Variants in SLC35D2 observed in about 807,000 individuals in gnomAD.
SLC35D2 encodes nucleotide sugar transporter SLC35D2.
A neutral mutation model predicts 41.8 loss-of-function variants in SLC35D2; 43 were observed. The ratio of observed to expected loss-of-function variants is 1.03; its 90% confidence interval spans 0.81 to 1.33. SLC35D2 has a LOEUF of 1.33. Among genes scored for constraint, SLC35D2 ranks in the 40% most tolerant of loss-of-function variants. SLC35D2 has a pLI of 0.00. For synonymous variants in SLC35D2, 150 were observed against 163.9 expected, an observed-to-expected ratio of 0.92 and a Z score of 0.65; for missense variants, 380 against 408.4, an observed-to-expected ratio of 0.93 and a Z score of 0.60.
intron 5 of SLC35D2, among the ~76,000 whole-genome samples, chr9:96,351,571 A>G (rs1829815574): frequency 6.6e-6 from 1 of 152,152 alleles, no homozygotes. Context: ...AAAATCAAGA[A>G]TCAACTTTTT....
At chr9:96,351,081 C>T (rs768447708) in intron 6 of SLC35D2, 22 bp downstream of exon 6, 1 of 1,571,390 alleles carries the variant, frequency 6.4e-7, no homozygotes, top group Non-Finnish European at 8.8e-7. Flanking sequence ...AGTTATTGAG[C>T]AGAAACAGTC....
At chr9:96,334,272 G>A (rs1248740394) in intron 9 of SLC35D2, among the ~76,000 whole-genome samples, 1 of 152,170 alleles carries the variant, frequency 6.6e-6, no homozygotes, top group East Asian at 1.9e-4. Context: ...GCTACCAGCA[G>A]AAGCAAATAC....
chr9:96,317,868 CA>C (rs34659411), downstream of SLC35D2, among the ~76,000 whole-genome samples: 8,977 of 99,390 alleles, frequency 0.09, 896 homozygotes, highest in African/African-American at 0.24. Context: ...ACCAAAAATA[CA>C]AAAAAAAAAA....
At chr9:96,372,232 A>G (rs935385599) in intron 1 of SLC35D2, among the ~76,000 whole-genome samples, 1 of 152,232 alleles carries the variant, frequency 6.6e-6, no homozygotes, top group Non-Finnish European at 1.5e-5. Context: ...GAAAATGAGA[A>G]AGATAAGTTA....
chr9:96,336,072 A>C (rs1464424908), intron 9 of SLC35D2, among the ~76,000 whole-genome samples: 2 of 151,896 alleles, frequency 1.3e-5, no homozygotes, highest in South Asian at 4.1e-4. Flanking sequence ...AAAAGAAAGA[A>C]AGAAAATTTC....
At chr9:96,338,624 G>A (rs1360370124) in intron 8 of SLC35D2, among the ~76,000 whole-genome samples, 1 of 151,792 alleles carries the variant, frequency 6.6e-6, no homozygotes, top group Non-Finnish European at 1.5e-5. Flanking sequence ...GCATATATGT[G>A]GAGTTTGTCA....
chr9:96,355,974 G>A (rs543600815), intron 4 of SLC35D2, among the ~76,000 whole-genome samples: 1 of 152,324 alleles, frequency 6.6e-6, no homozygotes, highest in African/African-American at 2.4e-5. Context: ...TATGCCTCAT[G>A]TTAAAATTGG....
At position 96,321,151 on chromosome 9, in the gene SLC35D2, ACGAATC is replaced by A; in HGVS notation, c.*85_*90del. On this transcript the variant is annotated 3_prime_UTR_variant, in exon 12 of 12. Coordinates refer to ENST00000253270, the MANE Select transcript of SLC35D2 (RefSeq NM_007001.3). ...CTCACTTGCCCAGGGGGTGGATGTCACGAATCCGAAACCTCTGGCTTCACATTCCTA... is the reference window on the plus strand; with the variant it reads ...CTCACTTGCCCAGGGGGTGGATGTCACGAAACCTCTGGCTTCACATTCCTA... The A allele has an allele frequency of 1.0e-6, 1 of 953,058 alleles. No individual in the cohort carries two copies. The highest frequency in any genetic ancestry group is 2.0e-5 in the Admixed American group (1 of 50,476). 59.0% of individuals were successfully genotyped at this position (953,058 alleles called of 1,614,324 possible).
intron 10 of SLC35D2, among the ~76,000 whole-genome samples, chr9:96,323,022 C>CTT (rs869071613): frequency 1.6e-4 from 21 of 133,200 alleles, no homozygotes; most frequent in Non-Finnish European, 2.3e-4. Context: ...CCTGGTTTTT[C>CTT]TTTTTTTTTT....
chr9:96,328,495 AGAC>A (rs1303989854), intron 9 of SLC35D2, among the ~76,000 whole-genome samples: 1 of 152,244 alleles, frequency 6.6e-6, no homozygotes, highest in Non-Finnish European at 1.5e-5. Flanking sequence ...ACATTTATTC[AGAC>A]AACAGAGGCC....
rs779370416 is a variant in SLC35D2 at position 96,383,467 on chromosome 9, C to G, written c.158+10G>C. 365 of 1,529,974 alleles carry G rather than the reference C, an allele frequency of 2.4e-4. No homozygotes were observed. The highest frequency in any genetic ancestry group is 3.0e-4 in the Non-Finnish European group (341 of 1,137,392). 94.8% of individuals were successfully genotyped at this position (1,529,974 alleles called of 1,614,324 possible). A position where few individuals can be genotyped will look rare whatever the true frequency, so the allele number is the denominator to read the frequency against. ...TCCCGCAGACCCCCCGGCCCCGGGC[C>G]CCGCCTCACCCGTAGGTGGTCAGCA... On this transcript the variant is annotated intron_variant, in intron 1 of 11. Transcript: ENST00000253270.
At chr9:96,335,290 T>G (rs1444009559) in intron 9 of SLC35D2, among the ~76,000 whole-genome samples, 2 of 152,230 alleles carry the variant, frequency 1.3e-5, no homozygotes, top group African/African-American at 4.8e-5. Context: ...CAGTGTTGCC[T>G]CTGGGGAAGA....
chr9:96,353,149 G>C (rs533263775), intron 4 of SLC35D2, among the ~76,000 whole-genome samples: 1 of 152,080 alleles, frequency 6.6e-6, no homozygotes, highest in East Asian at 1.9e-4. Flanking sequence ...AAAAACATCA[G>C]AAACAACCTA....
Position 96,331,382 on chromosome 9 carries a change from T to G in SLC35D2, c.752+5335A>C, listed in dbSNP as rs1279225324. On this transcript the variant is annotated intron_variant, in intron 9 of 11. Transcript: ENST00000253270. ...AAATGAATAATTGTTCCTCGACCCC[T>G]CCTTTCACATGTAACACGTGGATTC... is the stretch of plus-strand genomic sequence containing the variant. 4.6e-5 allele frequency among the ~76,000 whole-genome samples: 7 copies of G among 152,116 alleles called. No homozygotes were observed. The South Asian group carries it at 6.2e-4, about 14-fold the overall frequency.
rs544591224 is a variant in SLC35D2 at position 96,354,212 on chromosome 9, AG to A, written c.348-2104del. Among the ~76,000 whole-genome samples the A allele has an allele frequency of 7.9e-5, 12 of 152,344 alleles. No individual in the cohort carries two copies. In the East Asian group the frequency reaches 2.3e-3, roughly 29 times the overall value. ...TCCGCCTATGATTAGGAACAAGACC[AG>A]GATGTTCACTCTCACTATTGTATCT... On this transcript the variant is annotated intron_variant, in intron 4 of 11. Coordinates refer to ENST00000253270, the MANE Select transcript of SLC35D2 (RefSeq NM_007001.3).
chr9:96,383,095 C>G (rs1007460349), intron 1 of SLC35D2, among the ~76,000 whole-genome samples: 3 of 152,186 alleles, frequency 2.0e-5, no homozygotes, highest in Admixed American at 6.5e-5. Flanking sequence ...TCAATACAGA[C>G]TTACTGGCTC....
chr9:96,344,218 G>A (rs375812835), intron 7 of SLC35D2, among the ~76,000 whole-genome samples: 47 of 152,066 alleles, frequency 3.1e-4, no homozygotes, highest in African/African-American at 1.1e-3. Flanking sequence ...CAGAGAAAAC[G>A]CATGGCAGTG....
chr9:96,365,558 A>G (rs1830443305), intron 2 of SLC35D2, among the ~76,000 whole-genome samples: 1 of 152,144 alleles, frequency 6.6e-6, no homozygotes, highest in Non-Finnish European at 1.5e-5. Context: ...ATCCTCCCCC[A>G]TAAAGGCACG....
intron 1 of SLC35D2, among the ~76,000 whole-genome samples, chr9:96,369,031 C>T (rs999745107): frequency 6.6e-6 from 1 of 152,072 alleles, no homozygotes; most frequent in Non-Finnish European, 1.5e-5. Flanking sequence ...TCCCAAAGTG[C>T]TAGGATTATA....
Sources: allele counts gnomAD v4.1 joint callset (sites outside exome capture counted in the v4.1 genomes callset), GRCh38; gene constraint gnomAD v4.1.1; transcripts MANE v1.5; gene names NCBI Gene and HGNC (gene_info 2026-07-23, HGNC 2026-07-21).